GK5: variants seen among roughly 807,000 people sequenced by gnomAD.
The protein encoded by GK5 is ATP:glycerol 3-phosphotransferase 5.
Under a neutral mutation model 77.3 loss-of-function variants are expected in GK5, and 39 were observed. The observed-to-expected ratio is 0.50, with a 90% CI of 0.39 to 0.66. The LOEUF is 0.66. GK5 is among the 30% of genes least tolerant of loss of function. The pLI is 0.00. For synonymous variants in GK5, 211 were observed against 208.0 expected, an observed-to-expected ratio of 1.01 and a Z score of -0.13; for missense variants, 487 against 633.8, an observed-to-expected ratio of 0.77 and a Z score of 2.49.
chr3:142,167,075 T>C (rs1209011171), intron 15 of GK5, among the ~76,000 whole-genome samples: 1 of 152,132 alleles, frequency 6.6e-6, no homozygotes. Context: ...CCATCTATGT[T>C]TAAAGGTATT....
chr3:142,165,467 C>T lies in GK5; in HGVS notation c.*155G>A. On this transcript the variant is annotated 3_prime_UTR_variant, in exon 16 of 16. Coordinates refer to ENST00000392993, the MANE Select transcript of GK5 (RefSeq NM_001039547.3). ...GGGAAAAAAATAAGAGTTTTTTGTT[C>T]CGTTTTGTTTTTTTAAAAGCAATGC... The T allele has an allele frequency of 2.0e-6, 1 of 512,232 alleles. No individual in the cohort carries two copies. Among genetic ancestry groups the T allele is most frequent in the Non-Finnish European group, 3.3e-6 (1 of 303,150 alleles). 31.7% of individuals were successfully genotyped at this position (512,232 alleles called of 1,614,324 possible). A position where few individuals can be genotyped will look rare whatever the true frequency, so the allele number is the denominator to read the frequency against.
chr3:142,167,464 A>G (rs2063486736), intron 15 of GK5, among the ~76,000 whole-genome samples: 1 of 152,252 alleles, frequency 6.6e-6, no homozygotes, highest in South Asian at 2.1e-4. Flanking sequence ...AGTATACTAT[A>G]GTTAGATAAA....
intron 12 of GK5, 46 bp from the exon 13 acceptor site, chr3:142,172,502 C>T: frequency 9.5e-7 from 1 of 1,049,284 alleles, no homozygotes. Flanking sequence ...TTCTAAATTA[C>T]ATCTACGGAC....
At chr3:142,189,047 C>T (rs186730604) in intron 5 of GK5, among the ~76,000 whole-genome samples, 16 of 152,308 alleles carry the variant, frequency 1.1e-4, no homozygotes, top group African/African-American at 3.8e-4. Flanking sequence ...CACTCCCACA[C>T]TCCTTCTAAC....
chr3:142,195,117 A>G (rs753757693), intron 5 of GK5, among the ~76,000 whole-genome samples: 2 of 151,934 alleles, frequency 1.3e-5, no homozygotes, highest in Non-Finnish European at 2.9e-5. Flanking sequence ...ATATCTACTG[A>G]CATGATCATG....
chr3:142,185,310 G>A (rs1040681111), intron 9 of GK5: 63 of 319,556 alleles, frequency 2.0e-4, no homozygotes, highest in African/African-American at 1.4e-3. Context: ...CTACTTGGGA[G>A]GCTGGGGTGG....
At chr3:142,175,171 G>A (rs1031281612) in intron 12 of GK5, among the ~76,000 whole-genome samples, 61 of 152,096 alleles carry the variant, frequency 4.0e-4, no homozygotes, top group African/African-American at 1.4e-3. Flanking sequence ...TAACTCTAAC[G>A]TCCAGGTAAA....
chr3:142,196,172 A>G (rs77437563), intron 5 of GK5, among the ~76,000 whole-genome samples: 4,075 of 152,198 alleles, frequency 0.027, 189 homozygotes, highest in African/African-American at 0.093. Context: ...CAGTATTAAT[A>G]TCCATAATTT....
chr3:142,201,655 A>C (rs1191732335), intron 4 of GK5, among the ~76,000 whole-genome samples: 2 of 152,102 alleles, frequency 1.3e-5, no homozygotes, highest in African/African-American at 4.8e-5. Flanking sequence ...CACACACACA[A>C]ACACAGACAA....
At chr3:142,203,525 C>T (rs1325664319) in intron 4 of GK5, among the ~76,000 whole-genome samples, 2 of 152,140 alleles carry the variant, frequency 1.3e-5, no homozygotes, top group African/African-American at 4.8e-5. Flanking sequence ...CTGTAATCCC[C>T]GCACTTTGGG....
At chr3:142,205,791 C>T (rs1011640801) in intron 3 of GK5, among the ~76,000 whole-genome samples, 7 of 152,110 alleles carry the variant, frequency 4.6e-5, no homozygotes, top group African/African-American at 1.4e-4. Context: ...ACCTATTTTA[C>T]GTGTACAATT....
At chr3:142,203,111 G>C (rs1279669446) in intron 4 of GK5, among the ~76,000 whole-genome samples, 4 of 151,920 alleles carry the variant, frequency 2.6e-5, no homozygotes, top group Non-Finnish European at 5.9e-5. Flanking sequence ...TAAAATTATA[G>C]ATTATAAATT....
chr3:142,213,475 T>C (rs1372523454), intron 3 of GK5, 51 bp downstream of exon 3: 2 of 1,018,658 alleles, frequency 2.0e-6, no homozygotes, highest in Non-Finnish European at 3.1e-6. Context: ...AACCGTGTAC[T>C]CACTGTGGCA....
At chr3:142,201,386 T>C (rs1454341718) in intron 4 of GK5, among the ~76,000 whole-genome samples, 1 of 152,360 alleles carries the variant, frequency 6.6e-6, no homozygotes, top group East Asian at 1.9e-4. Flanking sequence ...CAAAAGGTTA[T>C]ATATTTAAAA....
intron 5 of GK5, among the ~76,000 whole-genome samples, chr3:142,196,926 G>A (rs1272080064): frequency 1.3e-5 from 2 of 152,092 alleles, no homozygotes; most frequent in East Asian, 1.9e-4. Flanking sequence ...GGTGGCTCTC[G>A]CCTGTAATCC....
intron 3 of GK5, 61 bp downstream of exon 3, chr3:142,213,465 A>G: frequency 1.0e-6 from 1 of 962,076 alleles, no homozygotes; most frequent in Non-Finnish European, 1.7e-6. Flanking sequence ...GAGATTTCAT[A>G]ACCGTGTACT....
In GK5 at chr3:142,161,383, GTTC is replaced by G. The variant is rs1199948519; in HGVS notation, c.*4236_*4238del. On this transcript the variant is annotated 3_prime_UTR_variant, in exon 16 of 16. Transcript: ENST00000392993. ...CTCCCAAAGTGCTGGGAAGAGTATAGTTCTTCTTAATCCAACAAAAAAGTATTT... is the reference window on the plus strand; with the variant it reads ...CTCCCAAAGTGCTGGGAAGAGTATAGTTCTTAATCCAACAAAAAAGTATTT... 5 of 152,136 alleles carry G rather than the reference GTTC, an allele frequency of 3.3e-5. No individual in the cohort carries two copies. Among genetic ancestry groups the G allele is most frequent in the African/African-American group, 9.7e-5 (4 of 41,428 alleles). 9.4% of individuals were successfully genotyped at this position (152,136 alleles called of 1,614,324 possible). A position where few individuals can be genotyped will look rare whatever the true frequency, so the allele number is the denominator to read the frequency against.
intron 15 of GK5, among the ~76,000 whole-genome samples, chr3:142,167,322 C>T (rs985178736): frequency 4.3e-4 from 66 of 151,836 alleles, no homozygotes; most frequent in African/African-American, 1.5e-3. Flanking sequence ...TGCAATGACC[C>T]GAGATCGCAC....
intron 5 of GK5, among the ~76,000 whole-genome samples, chr3:142,189,933 T>C (rs1032520437): frequency 3.3e-5 from 5 of 151,974 alleles, no homozygotes; most frequent in South Asian, 2.1e-4. Flanking sequence ...GTCACATATA[T>C]ACACATATAT....
Sources: gnomAD v4.1 joint callset for allele counts (sites outside exome capture counted in the v4.1 genomes callset) on GRCh38, gnomAD v4.1.1 for gene constraint, MANE v1.5 for transcripts, NCBI Gene and HGNC (gene_info 2026-07-23, HGNC 2026-07-21) for gene names.